The following PAPPA variants were observed in gnomAD, a reference collection of about 807,000 sequenced individuals.
PAPPA encodes pappalysin 1.
Under a neutral mutation model 164.0 loss-of-function variants are expected in PAPPA, and 60 were observed. That is an observed-to-expected ratio of 0.37 (90% CI 0.30 to 0.45). PAPPA has a LOEUF of 0.45. Among genes scored for constraint, PAPPA ranks in the 20% least tolerant of loss-of-function variants. The pLI is 1.00. For synonymous variants in PAPPA, 875 were observed against 814.1 expected (o/e 1.07, Z -1.27); for missense variants, 1,782 against 2,087.3 (o/e 0.85, Z 2.85).
At chr9:116,162,333 A>T (rs956960179) in intron 1 of PAPPA, among the ~76,000 whole-genome samples, 1 of 152,178 alleles carries the variant, frequency 6.6e-6, no homozygotes, top group Non-Finnish European at 1.5e-5. Flanking sequence ...ACACACACAC[A>T]TACTCATATA....
intron 14 of PAPPA, among the ~76,000 whole-genome samples, chr9:116,346,600 A>G (rs1341600310): frequency 6.6e-6 from 1 of 152,186 alleles, no homozygotes; most frequent in Non-Finnish European, 1.5e-5. Flanking sequence ...ATACAAATCA[A>G]CACTTGATGT....
chr9:116,385,708 C>A (rs1057354991), intron 21 of PAPPA, among the ~76,000 whole-genome samples: 2 of 152,228 alleles, frequency 1.3e-5, no homozygotes, highest in Non-Finnish European at 2.9e-5. Flanking sequence ...TCTTCTTCCA[C>A]TTTAAATTCT....
intron 8 of PAPPA, among the ~76,000 whole-genome samples, chr9:116,267,702 T>A (rs1257858127): frequency 6.6e-6 from 1 of 150,492 alleles, no homozygotes; most frequent in Non-Finnish European, 1.5e-5. Context: ...TGAAACCCCG[T>A]CTCTACTAAA....
chr9:116,196,465 C>T (rs1564180320), intron 2 of PAPPA, among the ~76,000 whole-genome samples: 1 of 152,188 alleles, frequency 6.6e-6, no homozygotes, highest in South Asian at 2.1e-4. Flanking sequence ...GAAACAAAGC[C>T]GTTGGGCGTG....
chr9:116,165,012 A>G (rs1843705286), intron 1 of PAPPA, among the ~76,000 whole-genome samples: 1 of 152,196 alleles, frequency 6.6e-6, no homozygotes, highest in African/African-American at 2.4e-5. Context: ...GTCAGTGACC[A>G]AGCTGGGTAA....
At chr9:116,351,380 G>C (rs954775203) in intron 15 of PAPPA, among the ~76,000 whole-genome samples, 1 of 152,222 alleles carries the variant, frequency 6.6e-6, no homozygotes, top group African/African-American at 2.4e-5. Flanking sequence ...GAAAGGAAAG[G>C]AGGGAAGAAG....
chr9:116,297,444 A>C (rs548584530), intron 9 of PAPPA, among the ~76,000 whole-genome samples: 2 of 152,340 alleles, frequency 1.3e-5, no homozygotes, highest in East Asian at 3.9e-4. Flanking sequence ...GACACGAATA[A>C]TTTAATTTCT....
intron 2 of PAPPA, among the ~76,000 whole-genome samples, chr9:116,195,184 A>T (rs1844089269): frequency 1.3e-5 from 2 of 152,146 alleles, no homozygotes; most frequent in Admixed American, 1.3e-4. Flanking sequence ...AGACATACAG[A>T]TTCAGGCATA....
intron 2 of PAPPA, among the ~76,000 whole-genome samples, chr9:116,200,804 T>C (rs1320648701): frequency 6.6e-6 from 1 of 151,260 alleles, no homozygotes; most frequent in Non-Finnish European, 1.5e-5. Context: ...GAATGAATGA[T>C]ATGTGGAAAG....
intron 10 of PAPPA, among the ~76,000 whole-genome samples, chr9:116,322,468 A>C (rs1338245484): frequency 6.6e-6 from 1 of 151,052 alleles, no homozygotes; most frequent in Non-Finnish European, 1.5e-5. Flanking sequence ...CCAGGAAAGC[A>C]CTGAGGAGGG....
At chr9:116,165,988 C>T (rs1483939142) in intron 1 of PAPPA, among the ~76,000 whole-genome samples, 1 of 152,232 alleles carries the variant, frequency 6.6e-6, no homozygotes, top group Non-Finnish European at 1.5e-5. Flanking sequence ...AGTATCTGAC[C>T]TATAAAGGGG....
intron 10 of PAPPA, among the ~76,000 whole-genome samples, chr9:116,312,966 C>G (rs1845739847): frequency 6.6e-6 from 1 of 151,664 alleles, no homozygotes; most frequent in Non-Finnish European, 1.5e-5. Flanking sequence ...ACCTGTAGTC[C>G]CAGCTACTCG....
intron 19 of PAPPA, chr9:116,373,625 C>T (rs1846605356): frequency 1.3e-5 from 2 of 152,046 alleles, no homozygotes; most frequent in African/African-American, 4.8e-5. Flanking sequence ...GGGCCTTCAT[C>T]TTTTAGATGC....
In PAPPA at chr9:116,367,670, G is replaced by A; in HGVS notation, c.4521G>A (p.Leu1507=). The A allele has an allele frequency of 1.2e-6, 2 of 1,613,980 alleles. No individual in the cohort carries two copies. Among genetic ancestry groups the A allele is most frequent in the Non-Finnish European group, 1.7e-6 (2 of 1,179,914 alleles). Residue 1507 remains leucine, a synonymous_variant, in exon 19 of 22, where the codon CTG becomes CTA. Coordinates refer to ENST00000328252, the MANE Select transcript of PAPPA (RefSeq NM_002581.5). ...GGTCGGAGTGTGCCACCTCGTGCCT[G>A]GACCACAACAGCGAGTCCATCATCC... The part of the protein sequence containing the change: ...AIGSECATSC[L]DHNSESIILP...
chr9:116,169,291 CG>C (rs1221516122), intron 1 of PAPPA, among the ~76,000 whole-genome samples: 1 of 143,330 alleles, frequency 7.0e-6, no homozygotes, highest in Non-Finnish European at 1.5e-5. Context: ...GGCTGTCCTT[CG>C]GCCTCTCCAA....
chr9:116,192,825 T>A (rs1416355598), intron 2 of PAPPA, among the ~76,000 whole-genome samples: 1 of 152,166 alleles, frequency 6.6e-6, no homozygotes, highest in African/African-American at 2.4e-5. Context: ...CTTTTATAAA[T>A]GAAATGGAAA....
chr9:116,388,391 A>G (rs1846844747), intron 21 of PAPPA, among the ~76,000 whole-genome samples: 2 of 152,196 alleles, frequency 1.3e-5, no homozygotes, highest in African/African-American at 4.8e-5. Flanking sequence ...CATTCTAAGT[A>G]AGCACGTGTT....
chr9:116,357,043 T>A (rs1846363558), intron 17 of PAPPA, among the ~76,000 whole-genome samples: 1 of 152,198 alleles, frequency 6.6e-6, no homozygotes, highest in Non-Finnish European at 1.5e-5. Flanking sequence ...CAGCATGAGC[T>A]TTAGTCAAAC....
chr9:116,172,676 C>A (rs533241036), intron 1 of PAPPA, among the ~76,000 whole-genome samples: 73 of 152,286 alleles, frequency 4.8e-4, no homozygotes, highest in Non-Finnish European at 8.1e-4. Flanking sequence ...TTCTTGGCCT[C>A]CTCCTCATCA....
Sources: allele counts gnomAD v4.1 joint callset (sites outside exome capture counted in the v4.1 genomes callset), GRCh38; gene constraint gnomAD v4.1.1; transcripts MANE v1.5; gene names NCBI Gene and HGNC (gene_info 2026-07-23, HGNC 2026-07-21).